ZNF518B: variants seen among roughly 807,000 people sequenced by gnomAD.
The protein encoded by ZNF518B is zinc finger protein 518B.
A neutral mutation model predicts 56.3 loss-of-function variants in ZNF518B; 23 were observed. The observed-to-expected ratio is 0.41, with a 90% confidence interval of 0.29 to 0.58. ZNF518B has a LOEUF of 0.58. ZNF518B is among the 20% of genes least tolerant of loss of function. The probability of loss-of-function intolerance (pLI) is 0.32; values close to 1 mark genes in which losing one functional copy is unlikely to be tolerated. For missense variants in ZNF518B, 1,460 were observed against 1,272.1 expected (o/e 1.15, Z -2.25); for synonymous variants, 529 against 465.9 (o/e 1.14, Z -1.74).
chr4:10,449,230 G>A (rs1474547045), intron 2 of ZNF518B, among the ~76,000 whole-genome samples: 1 of 152,180 alleles, frequency 6.6e-6, no homozygotes, highest in East Asian at 1.9e-4. Flanking sequence ...AGCAAAAATG[G>A]ACAATTTCCC....
At position 10,444,642 on chromosome 4, in the gene ZNF518B, C is replaced by T; in HGVS notation, c.1687G>A (p.Val563Ile). Residue 563 changes from valine to isoleucine, a missense_variant, in exon 3 of 3, where the codon GTA (valine) becomes ATA (isoleucine). By Grantham distance (29) the Val-to-Ile change is conservative. Coordinates refer to ENST00000326756, the MANE Select transcript of ZNF518B (RefSeq NM_053042.3). Reference protein sequence around the residue: ...LESTSKVNIPVKVVSSNRKQE... With the variant: ...LESTSKVNIPIKVVSSNRKQE... Reference sequence around the variant, plus strand: ...TTCCTATTAGAGGAAACCACTTTTACAGGAATATTGACTTTACTTGTAGAT... The same window carrying T: ...TTCCTATTAGAGGAAACCACTTTTATAGGAATATTGACTTTACTTGTAGAT... The T allele has an allele frequency of 1.2e-6, 2 of 1,614,198 alleles. No homozygotes were observed. The highest frequency in any genetic ancestry group is 1.7e-6 in the Non-Finnish European group (2 of 1,180,034).
chr4:10,444,328 TC>T lies in ZNF518B; in HGVS notation c.2000del (p.Arg667LysfsTer3). On this transcript the variant is annotated frameshift_variant, in exon 3 of 3. Transcript: ENST00000326756. LOFTEE classifies it high-confidence loss of function. ...SKIKSIELLR[R>X]KIAQLIESCG... ...AGGACTCAATTAACTGAGCTATCTT[TC>T]TGCGCAACAGTTCAATTGACTTTAT... 1 of 1,614,224 alleles carries T rather than the reference TC, an allele frequency of 6.2e-7. No homozygotes were observed. Among genetic ancestry groups the T allele is most frequent in the Non-Finnish European group, 8.5e-7 (1 of 1,180,032 alleles).
rs369989405 is a variant in ZNF518B, at chr4:10,443,087, A to G, written c.*17T>C. 1 of 1,593,976 alleles carries G rather than the reference A, an allele frequency of 6.3e-7. No individual in the cohort carries two copies. The highest frequency in any genetic ancestry group is 1.4e-5 in the African/African-American group (1 of 73,854). On this transcript the variant is annotated 3_prime_UTR_variant, in exon 3 of 3. Transcript: ENST00000326756. ...AATAAACTAAAAGATAACTTGCTTT[A>G]AAGAGTAACTGTTTACTTATTTGCC...
In ZNF518B at chr4:10,445,867, G is replaced by T; in HGVS notation, c.462C>A (p.Thr154=). 1 of 1,614,144 alleles carries T rather than the reference G, an allele frequency of 6.2e-7. No homozygotes were observed. The highest frequency in any genetic ancestry group is 8.5e-7 in the Non-Finnish European group (1 of 1,180,028). The change falls in exon 3 of 3, where the codon ACC becomes ACA. Residue 154 remains threonine (T), a synonymous_variant. Coordinates refer to ENST00000326756, the MANE Select transcript of ZNF518B (RefSeq NM_053042.3). ...TGAATTTAATCTCCTCGTGTTGAAG[G>T]GTGTGCTTTTTGTACTGCAGCGGGT... The part of the protein sequence containing the change: ...TKDPLQYKKH[T]LQHEEIKFIC...
chr4:10,448,588 G>C (rs187492501), intron 2 of ZNF518B, among the ~76,000 whole-genome samples: 1 of 151,964 alleles, frequency 6.6e-6, no homozygotes, highest in Non-Finnish European at 1.5e-5. Flanking sequence ...CCCTCAGTCA[G>C]ACTTGCTCTA....
Position 10,444,366 on chromosome 4 carries a change from A to G in ZNF518B, c.1963T>C (p.Ser655Pro). ...NVPEGIKWNS[S>P]TSKIKSIELL... is the part of the protein sequence containing the mutation. ...TCAATTGACTTTATTTTAGACGTTG[A>G]GCTATTCCACTTAATGCCCTCGGGG... is the stretch of plus-strand genomic sequence containing the variant. Residue 655 changes from serine to proline, a missense_variant, in exon 3 of 3, where the codon TCA (serine) becomes CCA (proline). Transcript: ENST00000326756. 2 of 1,614,150 alleles carry G rather than the reference A, an allele frequency of 1.2e-6. No individual in the cohort carries two copies. Among genetic ancestry groups the G allele is most frequent in the South Asian group, 1.1e-5 (1 of 91,086 alleles).
chr4:10,444,340 T>G lies in ZNF518B; in HGVS notation c.1989A>C (p.Glu663Asp), dbSNP rs866295935. 6.2e-7 allele frequency: 1 copy of G among 1,614,182 alleles called. No homozygotes were observed. ...NSSTSKIKSI[E>D]LLRRKIAQLI... The stretch of plus-strand genomic sequence containing the variant: ...ACTGAGCTATCTTTCTGCGCAACAG[T>G]TCAATTGACTTTATTTTAGACGTTG... The change falls in exon 3 of 3, where the codon GAA becomes GAC. Residue 663 changes from glutamate (E) to aspartate (D), a missense_variant. Coordinates refer to ENST00000326756, the MANE Select transcript of ZNF518B (RefSeq NM_053042.3).
chr4:10,451,492 CCA>C (rs1388749205), intron 2 of ZNF518B: 2 of 152,158 alleles, frequency 1.3e-5, no homozygotes, highest in African/African-American at 2.4e-5. Context: ...CCTACCTACC[CCA>C]CAGAGTTACT....
Position 10,445,835 on chromosome 4 carries a change from G to A in ZNF518B, c.494C>T (p.Ser165Phe). 6.2e-7 allele frequency: 1 copy of A among 1,614,238 alleles called. No individual in the cohort carries two copies. Among genetic ancestry groups the A allele is most frequent in the Non-Finnish European group, 8.5e-7 (1 of 1,180,046 alleles). The change falls in exon 3 of 3, where the codon TCT (serine) becomes TTT (phenylalanine). Residue 165 changes from serine (S) to phenylalanine (F), a missense_variant. Transcript: ENST00000326756. ...LQHEEIKFIC[S>F]HCSYISYTKG... ...CGTATACGAAATGTAGCTGCAGTGA[G>A]AACAAATGAATTTAATCTCCTCGTG...
chr4:10,454,995 C>G lies in ZNF518B; in HGVS notation c.-395-7G>C, dbSNP rs1466344500. On this transcript the variant is annotated splice_region_variant and splice_polypyrimidine_tract_variant and intron_variant, in intron 1 of 2. Transcript: ENST00000326756. ...AGGCGCTGCACAAAGAGGCCTGCAA[C>G]AGAAGCCAAACACTTGGGTTTAAGT... 1 of 152,294 alleles carries G rather than the reference C, an allele frequency of 6.6e-6. No individual in the cohort carries two copies. The highest frequency in any genetic ancestry group is 2.4e-5 in the African/African-American group (1 of 41,454). The allele number at this position is 152,294 out of a possible 1,614,324, so 9.4% of individuals were successfully genotyped here. A position where few individuals can be genotyped will look rare whatever the true frequency, so the allele number is the denominator to read the frequency against.
upstream of ZNF518B, among the ~76,000 whole-genome samples, chr4:10,458,250 CCAGCAGGGGCAGGTTGAGGCATGGGAG>C (rs1285826592): frequency 6.6e-6 from 1 of 152,132 alleles, no homozygotes; most frequent in African/African-American, 2.4e-5. Context: ...AAACAGCTCT[CCAGCAGGGGCAGGTTGAGGCATGGGAG>C]CAGCGTCACT....
At position 10,444,952 on chromosome 4, in the gene ZNF518B, T is replaced by C; in HGVS notation, c.1377A>G (p.Thr459=). 1.2e-6 allele frequency: 2 copies of C among 1,611,964 alleles called. No homozygotes were observed. The highest frequency in any genetic ancestry group is 1.1e-5 in the South Asian group (1 of 90,706). ...NNGKSFINSE[T]IEDFQKKNNL... The stretch of plus-strand genomic sequence containing the variant: ...TATTTTTTTTCTGAAAATCCTCAAT[T>C]GTTTCCGAATTAATGAAGGATTTTC... Residue 459 remains threonine, a synonymous_variant, in exon 3 of 3, where the codon ACA becomes ACG. Transcript: ENST00000326756.
chr4:10,443,478 C>A lies in ZNF518B; in HGVS notation c.2851G>T (p.Val951Leu). ...ACATTGGTCACTTCTGGCGAGTCCA[C>A]ATCAGGGTGGTTTAACACAATGACT... is the stretch of plus-strand genomic sequence containing the variant. ...QPVIVLNHPD[V>L]DSPEVTNVMK... is the part of the protein sequence containing the mutation. Residue 951 changes from valine to leucine, a missense_variant, in exon 3 of 3, where the codon GTG becomes TTG. Val to Leu is a conservative substitution (Grantham distance 32). Transcript: ENST00000326756. 6.2e-7 allele frequency: 1 copy of A among 1,614,166 alleles called. No individual in the cohort carries two copies. Among genetic ancestry groups the A allele is most frequent in the African/African-American group, 1.3e-5 (1 of 75,050 alleles).
chr4:10,441,264 TTA>T lies in ZNF518B; in HGVS notation c.*1838_*1839del, dbSNP rs1404572158. The stretch of plus-strand genomic sequence containing the variant: ...AATTTTCATATGGTAAAAAATATTT[TTA>T]TGTGTACACATACACATATATAAAA... On this transcript the variant is annotated 3_prime_UTR_variant, in exon 3 of 3. Coordinates refer to ENST00000326756, the MANE Select transcript of ZNF518B (RefSeq NM_053042.3). 2.6e-5 allele frequency: 4 copies of T among 152,548 alleles called. No individual in the cohort carries two copies. Among genetic ancestry groups the T allele is most frequent in the Admixed American group, 6.5e-5 (1 of 15,278 alleles). 9.4% of individuals were successfully genotyped at this position (152,548 alleles called of 1,614,324 possible). A position where few individuals can be genotyped will look rare whatever the true frequency, so the allele number is the denominator to read the frequency against.
chr4:10,443,255 T>TCCACTA lies in ZNF518B; in HGVS notation c.3068_3073dup (p.Val1023_Val1024dup). ...CTGTGAAGAATCATCAGGCAAGGAA[T>TCCACTA]CCACTACCTGGTAGTTGTTTTTATG... On this transcript the variant is annotated inframe_insertion, in exon 3 of 3. Coordinates refer to ENST00000326756, the MANE Select transcript of ZNF518B (RefSeq NM_053042.3). 6.2e-7 allele frequency: 1 copy of TCCACTA among 1,614,220 alleles called. No homozygotes were observed. The highest frequency in any genetic ancestry group is 1.6e-4 in the Middle Eastern group (1 of 6,062).
At chr4:10,459,860 T>C (rs1276639786), upstream of ZNF518B, among the ~76,000 whole-genome samples, 1 of 152,104 alleles carries the variant, frequency 6.6e-6, no homozygotes, top group Non-Finnish European at 1.5e-5. Context: ...TGTGAGACAA[T>C]ACATGTTTGT....
chr4:10,449,367 G>A (rs1373012328), intron 2 of ZNF518B, among the ~76,000 whole-genome samples: 2 of 152,210 alleles, frequency 1.3e-5, no homozygotes, highest in African/African-American at 2.4e-5. Flanking sequence ...ACTGGCTGAA[G>A]CTTCTGAGAA....
Position 10,444,315 on chromosome 4 carries a change from ACTGAG to A in ZNF518B, c.2009_2013del (p.Ala670ValfsTer3). 1.2e-6 allele frequency: 2 copies of A among 1,614,148 alleles called. No individual in the cohort carries two copies. The highest frequency in any genetic ancestry group is 1.7e-6 in the Non-Finnish European group (2 of 1,180,030). ...GACGGCTTCCCACAGGACTCAATTA[ACTGAG>A]CTATCTTTCTGCGCAACAGTTCAAT... On this transcript the variant is annotated frameshift_variant, in exon 3 of 3. Coordinates refer to ENST00000326756, the MANE Select transcript of ZNF518B (RefSeq NM_053042.3). LOFTEE classifies it high-confidence loss of function.
intron 2 of ZNF518B, among the ~76,000 whole-genome samples, chr4:10,449,043 A>G (rs185089012): frequency 5.1e-4 from 78 of 152,340 alleles, no homozygotes; most frequent in African/African-American, 1.6e-3. Flanking sequence ...TTTATCATCT[A>G]AAGAATGCTA....
Sources: gnomAD v4.1 joint callset for allele counts (sites outside exome capture counted in the v4.1 genomes callset) on GRCh38, gnomAD v4.1.1 for gene constraint, MANE v1.5 for transcripts, NCBI Gene and HGNC (gene_info 2026-07-23, HGNC 2026-07-21) for gene names.